CFAP299: variants seen among roughly 807,000 people sequenced by gnomAD.
CFAP299 encodes the protein cilia- and flagella-associated protein 299.
In CFAP299, 21 loss-of-function variants were observed where a neutral mutation model predicts 27.0. The observed-to-expected ratio is 0.78, with a 90% confidence interval of 0.55 to 1.12. The LOEUF (loss-of-function observed/expected upper bound fraction) is 1.12, where lower values mean the gene tolerates loss of function less well. Ranked by LOEUF, CFAP299 falls within the 50% of genes most tolerant of loss-of-function variation. The pLI is 0.00. For synonymous variants in CFAP299, 104 were observed against 98.1 expected (o/e 1.06, Z -0.36); for missense variants, 310 against 276.6 (o/e 1.12, Z -0.86).
At position 80,891,201 on chromosome 4, in the gene CFAP299, G is replaced by A. The variant is rs868029793; in HGVS notation, c.476+21066G>A. 3.9e-3 allele frequency among the ~76,000 whole-genome samples: 575 copies of A among 148,808 alleles called. 1 individual carries two copies. The highest frequency in any genetic ancestry group is 5.3e-3 in the Non-Finnish European group (359 of 67,248). Reference sequence around the variant, plus strand: ...GGGTTTTTATGGTTTTAGGTCTAACGTTTAAATCTTTAATCCATCTTGAAT... The same window carrying A: ...GGGTTTTTATGGTTTTAGGTCTAACATTTAAATCTTTAATCCATCTTGAAT... On this transcript the variant is annotated intron_variant, in intron 4 of 5. Coordinates refer to ENST00000358105, the MANE Select transcript of CFAP299 (RefSeq NM_152770.3).
At chr4:80,907,405 T>A (rs1173652779) in intron 4 of CFAP299, among the ~76,000 whole-genome samples, 1 of 152,216 alleles carries the variant, frequency 6.6e-6, no homozygotes, top group East Asian at 1.9e-4. Context: ...CATTTTTGGA[T>A]ATCTTTATAG....
chr4:80,567,752 A>ATATATATATATATATATAT (rs1560628779), intron 2 of CFAP299, among the ~76,000 whole-genome samples: 10 of 144,076 alleles, frequency 6.9e-5, no homozygotes, highest in African/African-American at 2.4e-4. Context: ...TATATATATA[A>ATATATATATATATATATAT]GTACATAAGA....
chr4:80,388,685 C>T (rs1725164360), intron 2 of CFAP299: 2 of 917,288 alleles, frequency 2.2e-6, no homozygotes, highest in Non-Finnish European at 3.6e-6. Context: ...GTTGTCCATT[C>T]CCTCCAGGGC....
intron 2 of CFAP299, among the ~76,000 whole-genome samples, chr4:80,431,079 A>G (rs1369519659): frequency 2.0e-5 from 3 of 152,092 alleles, no homozygotes; most frequent in Non-Finnish European, 4.4e-5. Context: ...TTCCTTATCT[A>G]TATTCCCTGT....
chr4:80,773,828 T>C (rs1726364535), intron 3 of CFAP299, among the ~76,000 whole-genome samples: 1 of 151,948 alleles, frequency 6.6e-6, no homozygotes, highest in Admixed American at 6.6e-5. Flanking sequence ...AGTTATAAAT[T>C]TTTTATAATA....
At chr4:80,331,514 T>C (rs963938544), upstream of CFAP299, among the ~76,000 whole-genome samples, 1 of 152,300 alleles carries the variant, frequency 6.6e-6, no homozygotes, top group South Asian at 2.1e-4. Flanking sequence ...AAGGAACCCA[T>C]GTCAATTAGG....
Position 80,702,665 on chromosome 4 carries a change from G to T in CFAP299, c.333+119482G>T, listed in dbSNP as rs1032913800. On this transcript the variant is annotated intron_variant, in intron 3 of 5. Transcript: ENST00000358105. ...GCCTCACAATGTCTGCTAAGTAAAA[G>T]AATGTGTCTCTGCAAATATTTCACA... 3.3e-5 allele frequency among the ~76,000 whole-genome samples: 5 copies of T among 151,842 alleles called. No individual in the cohort carries two copies. In the South Asian group the frequency reaches 1.0e-3, roughly 31 times the overall value.
chr4:80,480,071 T>G (rs1326393850), intron 2 of CFAP299, among the ~76,000 whole-genome samples: 3 of 152,040 alleles, frequency 2.0e-5, no homozygotes, highest in Admixed American at 6.6e-5. Flanking sequence ...CTTTTCCTTA[T>G]GTACCAGTGC....
intron 3 of CFAP299, among the ~76,000 whole-genome samples, chr4:80,606,351 A>G: frequency 6.6e-6 from 1 of 152,106 alleles, no homozygotes; most frequent in Admixed American, 6.6e-5. Flanking sequence ...CCTAGCCAAC[A>G]TGGTGAAACC....
chr4:80,445,557 A>G (rs1425545070), intron 2 of CFAP299, among the ~76,000 whole-genome samples: 1 of 152,212 alleles, frequency 6.6e-6, no homozygotes, highest in Non-Finnish European at 1.5e-5. Context: ...TAGTGTTAAG[A>G]AAAATACCTA....
chr4:80,741,927 G>A (rs1724296702), intron 3 of CFAP299, among the ~76,000 whole-genome samples: 1 of 152,108 alleles, frequency 6.6e-6, no homozygotes, highest in African/African-American at 2.4e-5. Context: ...CCTTGTAAGG[G>A]CACTGCCTGA....
intron 3 of CFAP299, among the ~76,000 whole-genome samples, chr4:80,607,695 G>T (rs1032880418): frequency 6.6e-6 from 1 of 152,156 alleles, no homozygotes; most frequent in Non-Finnish European, 1.5e-5. Context: ...GACAGTGATC[G>T]CTCAGCTTCT....
intron 3 of CFAP299, among the ~76,000 whole-genome samples, chr4:80,743,419 G>C (rs1724398186): frequency 6.6e-6 from 1 of 152,052 alleles, no homozygotes; most frequent in Admixed American, 6.6e-5. Flanking sequence ...TTTGTGGTTA[G>C]CTTTTGACAT....
intron 2 of CFAP299, among the ~76,000 whole-genome samples, chr4:80,366,930 G>C (rs139013946): frequency 1.4e-3 from 207 of 152,144 alleles, no homozygotes; most frequent in African/African-American, 4.6e-3. Context: ...AACACATTAG[G>C]GTAAGCAAAG....
chr4:80,784,394 C>T (rs1473085242), intron 3 of CFAP299, among the ~76,000 whole-genome samples: 1 of 152,206 alleles, frequency 6.6e-6, no homozygotes, highest in East Asian at 1.9e-4. Flanking sequence ...TCCTAACATA[C>T]ATGAGGTGAT....
At chr4:80,336,782 A>G (rs1194867051) in intron 1 of CFAP299, 1 of 152,250 alleles carries the variant, frequency 6.6e-6, no homozygotes, top group African/African-American at 2.4e-5. Context: ...CAGGACCCAG[A>G]AATGCCTTAT....
rs1560458514 is a variant in CFAP299, at chr4:80,875,553, A to G, written c.476+5418A>G. On this transcript the variant is annotated intron_variant, in intron 4 of 5. Transcript: ENST00000358105. ...GTGGCAGGTGCCTGTAATCCCAGCT[A>G]CTTGGGAGGCTGAGGCAGGAGAATC... is the stretch of plus-strand genomic sequence containing the variant. Among the ~76,000 whole-genome samples the G allele has an allele frequency of 2.0e-5, 3 of 151,842 alleles. No homozygotes were observed. The East Asian group carries it at 5.8e-4, about 30-fold the overall frequency.
At chr4:80,668,155 T>TA (rs1381322632) in intron 3 of CFAP299, among the ~76,000 whole-genome samples, 3 of 25,760 alleles carry the variant, frequency 1.2e-4, no homozygotes, top group East Asian at 3.6e-3. Context: ...TGTTTTTAAA[T>TA]AAATTTTTTT....
intron 2 of CFAP299, among the ~76,000 whole-genome samples, chr4:80,511,576 G>A (rs1732304880): frequency 6.6e-6 from 1 of 151,916 alleles, no homozygotes; most frequent in Non-Finnish European, 1.5e-5. Context: ...TTTTTTGTAA[G>A]TCAGTAGTTA....
Sources: gnomAD v4.1 joint callset for allele counts (sites outside exome capture counted in the v4.1 genomes callset) on GRCh38, gnomAD v4.1.1 for gene constraint, MANE v1.5 for transcripts, NCBI Gene and HGNC (gene_info 2026-07-23, HGNC 2026-07-21) for gene names.